Variants in WDR17 observed in about 807,000 individuals in gnomAD.
WDR17 encodes the protein WD repeat domain 17.
WDR17 carries 143 observed loss-of-function variants against 161.7 expected under a neutral mutation model. That is an observed-to-expected ratio of 0.88 (90% CI 0.77 to 1.02). The LOEUF (loss-of-function observed/expected upper bound fraction) is 1.02, where lower values mean the gene tolerates loss of function less well. WDR17 is among the 50% of genes least tolerant of loss of function. The pLI is 0.00. For missense variants in WDR17, 1,469 were observed against 1,520.9 expected, an observed-to-expected ratio of 0.97 and a Z score of 0.57; for synonymous variants, 517 against 515.6, an observed-to-expected ratio of 1.00 and a Z score of -0.04.
intron 4 of WDR17, among the ~76,000 whole-genome samples, chr4:176,123,632 C>T (rs1445949106): frequency 6.6e-6 from 1 of 152,150 alleles, no homozygotes; most frequent in South Asian, 2.1e-4. Context: ...ATGAAAAGGG[C>T]AAGGCATATG....
At chr4:176,167,658 A>AAAAAAAAAC (rs1750037647) in intron 22 of WDR17, among the ~76,000 whole-genome samples, 2 of 69,622 alleles carry the variant, frequency 2.9e-5, no homozygotes, top group Non-Finnish European at 6.8e-5. Flanking sequence ...AAAAAAAAAA[A>AAAAAAAAAC]AAAAAAAAAA....
chr4:176,128,202 C>A (rs1484349254), intron 5 of WDR17, among the ~76,000 whole-genome samples: 2 of 152,062 alleles, frequency 1.3e-5, no homozygotes, highest in African/African-American at 4.8e-5. Context: ...TATGGTAATT[C>A]TATATTTAAT....
chr4:176,161,952 T>G, intron 20 of WDR17, 123 bp from the exon 21 acceptor site: 1 of 827,400 alleles, frequency 1.2e-6, no homozygotes, highest in East Asian at 3.0e-5. Flanking sequence ...AAACAAGTCT[T>G]TAAAGCAAGC....
intron 4 of WDR17, among the ~76,000 whole-genome samples, chr4:176,121,295 A>G (rs539095297): frequency 6.6e-6 from 1 of 152,360 alleles, no homozygotes; most frequent in Admixed American, 6.5e-5. Flanking sequence ...TAGTTAGGCA[A>G]TAGAATTCAT....
chr4:176,086,173 G>A (rs566899110), intron 1 of WDR17, among the ~76,000 whole-genome samples: 31 of 151,792 alleles, frequency 2.0e-4, no homozygotes, highest in Non-Finnish European at 3.5e-4. Flanking sequence ...AATGATTTCA[G>A]CGTTTTAAAG....
intron 15 of WDR17, 114 bp downstream of exon 15, chr4:176,150,287 A>C (rs1746908495): frequency 1.1e-5 from 17 of 1,495,206 alleles, no homozygotes; most frequent in Non-Finnish European, 1.3e-5. Context: ...GGTAACTCTT[A>C]CCATAATCTG....
At chr4:176,083,423 T>A (rs1462319313) in intron 1 of WDR17, among the ~76,000 whole-genome samples, 1 of 152,154 alleles carries the variant, frequency 6.6e-6, no homozygotes, top group Non-Finnish European at 1.5e-5. Context: ...GCAGAATAGA[T>A]AAATATTGTA....
intron 1 of WDR17, among the ~76,000 whole-genome samples, chr4:176,075,570 A>G (rs544699830): frequency 9.9e-5 from 15 of 152,222 alleles, no homozygotes; most frequent in African/African-American, 3.4e-4. Context: ...GTTTTGATTC[A>G]TTTTTAAAAA....
intron 23 of WDR17, among the ~76,000 whole-genome samples, chr4:176,171,462 ATAT>A (rs1411999144): frequency 1.3e-5 from 2 of 152,170 alleles, no homozygotes; most frequent in African/African-American, 4.8e-5. Context: ...AACGTTATAT[ATAT>A]GAGAGCCCCG....
intron 1 of WDR17, among the ~76,000 whole-genome samples, chr4:176,078,296 A>C (rs531845128): frequency 6.6e-6 from 1 of 152,270 alleles, no homozygotes; most frequent in Admixed American, 6.5e-5. Flanking sequence ...CTGAACCATT[A>C]AAATGGCTAG....
rs756932589 is a variant in WDR17 at position 176,151,942 on chromosome 4, G to A, written c.2435G>A (p.Cys812Tyr). The A allele has an allele frequency of 1.2e-6, 2 of 1,612,624 alleles. No homozygotes were observed. The highest frequency in any genetic ancestry group is 2.2e-5 in the East Asian group (1 of 44,776). Residue 812 changes from cysteine to tyrosine, a missense_variant, in exon 17 of 29, where the codon TGT becomes TAT. Physicochemically the swap from Cys to Tyr is radical, Grantham distance 194. Coordinates refer to ENST00000508596, the MANE Select transcript of WDR17 (RefSeq NM_181265.4). ...AGATTAGGACAAATTCAGAGATACT[G>A]TGAACTTATGGTTGAACTTGGAGAG... ...HLRLGQIQRY[C>Y]ELMVELGEWD...
At chr4:176,107,828 C>G (rs961391379) in intron 1 of WDR17, among the ~76,000 whole-genome samples, 2 of 151,034 alleles carry the variant, frequency 1.3e-5, no homozygotes, top group African/African-American at 4.9e-5. Flanking sequence ...TCCCTTCCTT[C>G]CTTCCTTTCC....
In WDR17 at chr4:176,163,282, G is replaced by A. The variant is rs908366345; in HGVS notation, c.2979G>A (p.Met993Ile). The A allele has an allele frequency of 1.9e-6, 3 of 1,607,420 alleles. No homozygotes were observed. The highest frequency in any genetic ancestry group is 1.3e-5 in the African/African-American group (1 of 74,624). The change falls in exon 22 of 29, where the codon ATG becomes ATA. Residue 993 changes from methionine to isoleucine, a missense_variant. Met to Ile is a conservative substitution (Grantham distance 10, BLOSUM62 1). Transcript: ENST00000508596. ...AATTACTGGCGAGAAAGTGCATGAT[G>A]ATTTCAGTATGGTAAGAATTTTGAA... ...ALELLARKCM[M>I]ISVWNLAADL...
At chr4:176,179,357 A>G (rs934857932) in intron 28 of WDR17, 103 bp from the exon 29 acceptor site, 16 of 1,240,478 alleles carry the variant, frequency 1.3e-5, no homozygotes, top group Non-Finnish European at 1.7e-5. Flanking sequence ...CTTTGCCTAA[A>G]TATTATGTTT....
intron 1 of WDR17, among the ~76,000 whole-genome samples, chr4:176,071,561 C>T (rs908429971): frequency 3.9e-5 from 6 of 152,018 alleles, no homozygotes; most frequent in African/African-American, 1.2e-4. Flanking sequence ...GACCTCGGCC[C>T]ACCTTGGCCT....
intron 1 of WDR17, among the ~76,000 whole-genome samples, chr4:176,102,981 C>G (rs926076403): frequency 1.3e-5 from 2 of 152,182 alleles, no homozygotes; most frequent in African/African-American, 2.4e-5. Context: ...TATCAGTGAT[C>G]TACTGCTTCT....
rs146150089 is a variant in WDR17, at chr4:176,172,469, G to C, written c.3197G>C (p.Ser1066Thr). The C allele has an allele frequency of 3.1e-6, 5 of 1,609,134 alleles. No individual in the cohort carries two copies. In the African/African-American group the frequency reaches 6.7e-5, roughly 22 times the overall value. ...IFETVKYYLL[S>T]QEPEKALPIG... ...GAAACTGTAAAATATTACTTGTTAA[G>C]TCAAGAACCTGAAAAAGCCCTTCCT... The change falls in exon 24 of 29, where the codon AGT becomes ACT. Residue 1066 changes from serine to threonine, a missense_variant. Physicochemically the swap from Ser to Thr is moderately conservative, Grantham distance 58. Coordinates refer to ENST00000508596, the MANE Select transcript of WDR17 (RefSeq NM_181265.4).
rs1426634759 is a variant in WDR17, at chr4:176,168,682, G to A, written c.3001G>A (p.Ala1001Thr). 6.2e-7 allele frequency: 1 copy of A among 1,613,414 alleles called. No individual in the cohort carries two copies. The highest frequency in any genetic ancestry group is 1.3e-5 in the African/African-American group (1 of 74,904). ...CMMISVWNLA[A>T]DLLLMIPDNE... Reference sequence around the variant, plus strand: ...TTGTTACGTTAACAGGAATTTGGCAGCTGATCTTCTTCTGATGATTCCTGA... The same window carrying A: ...TTGTTACGTTAACAGGAATTTGGCAACTGATCTTCTTCTGATGATTCCTGA... The change falls in exon 23 of 29, where the codon GCT becomes ACT. Residue 1001 changes from alanine (A) to threonine (T), a missense_variant. Physicochemically the swap from Ala to Thr is moderately conservative, Grantham distance 58 (BLOSUM62 0). Transcript: ENST00000508596.
At chr4:176,133,859 C>G (rs1199321976) in intron 7 of WDR17, among the ~76,000 whole-genome samples, 3 of 151,492 alleles carry the variant, frequency 2.0e-5, no homozygotes, top group Non-Finnish European at 4.4e-5. Context: ...AAGAAAAATG[C>G]CACAAAATTT....
Sources: allele counts gnomAD v4.1 joint callset (sites outside exome capture counted in the v4.1 genomes callset), GRCh38; gene constraint gnomAD v4.1.1; transcripts MANE v1.5; gene names NCBI Gene and HGNC (gene_info 2026-07-23, HGNC 2026-07-21).